Variants in CDH9 observed in about 807,000 individuals in gnomAD.
CDH9 encodes cadherin-9.
Under a neutral mutation model 70.9 loss-of-function variants are expected in CDH9, and 28 were observed. The ratio of observed to expected loss-of-function variants is 0.40; its 90% CI spans 0.29 to 0.54. CDH9 has a LOEUF of 0.54. Among genes scored for constraint, CDH9 ranks in the 20% least tolerant of loss-of-function variants. The pLI, the probability that CDH9 is intolerant of heterozygous loss-of-function variation, is 0.59. For missense variants in CDH9, 874 were observed against 984.4 expected (o/e 0.89, Z 1.50); for synonymous variants, 409 against 343.1 (o/e 1.19, Z -2.12).
chr5:26,996,307 CTG>C (rs1447668495), intron 1 of CDH9, among the ~76,000 whole-genome samples: 1 of 151,920 alleles, frequency 6.6e-6, no homozygotes, highest in Non-Finnish European at 1.5e-5. Context: ...CAAAACAAAA[CTG>C]TGTGATACGG....
intron 2 of CDH9, among the ~76,000 whole-genome samples, chr5:26,947,203 C>T (rs1179218823): frequency 6.6e-6 from 1 of 152,068 alleles, no homozygotes; most frequent in East Asian, 1.9e-4. Context: ...CAGCAATATA[C>T]CACTCCTAAG....
intron 1 of CDH9, among the ~76,000 whole-genome samples, chr5:27,029,249 A>T (rs1032073126): frequency 6.6e-6 from 1 of 152,050 alleles, no homozygotes; most frequent in Non-Finnish European, 1.5e-5. Context: ...TTTCAATTTT[A>T]GAGGCAATAT....
chr5:26,942,872 A>G (rs2112037422), intron 2 of CDH9, among the ~76,000 whole-genome samples: 1 of 152,256 alleles, frequency 6.6e-6, no homozygotes, highest in African/African-American at 2.4e-5. Context: ...TCTGACCAAG[A>G]TTTTGACTTT....
At chr5:26,919,893 C>A (rs75437740) in intron 2 of CDH9, among the ~76,000 whole-genome samples, 1 of 152,114 alleles carries the variant, frequency 6.6e-6, no homozygotes, top group Non-Finnish European at 1.5e-5. Flanking sequence ...CAGTGGTAGG[C>A]AAGCAACACT....
At chr5:27,024,288 T>G (rs1300940013) in intron 1 of CDH9, among the ~76,000 whole-genome samples, 1 of 152,062 alleles carries the variant, frequency 6.6e-6, no homozygotes, top group East Asian at 1.9e-4. Flanking sequence ...TATTTTTCAA[T>G]TTTTTCAATA....
intron 2 of CDH9, among the ~76,000 whole-genome samples, chr5:26,920,061 G>A (rs1017569807): frequency 3.3e-5 from 5 of 152,024 alleles, no homozygotes; most frequent in Admixed American, 2.6e-4. Context: ...GTGGGGTAGA[G>A]CACCAAAAGT....
At chr5:26,902,359 T>C in intron 7 of CDH9, 117 bp downstream of exon 7, 1 of 650,566 alleles carries the variant, frequency 1.5e-6, no homozygotes, top group East Asian at 2.7e-5. Flanking sequence ...AATAGTGAGA[T>C]TATTGGTATT....
At chr5:27,002,152 C>G (rs1014472791) in intron 1 of CDH9, among the ~76,000 whole-genome samples, 3 of 151,932 alleles carry the variant, frequency 2.0e-5, no homozygotes, top group African/African-American at 7.3e-5. Flanking sequence ...TTTATGCAGC[C>G]AAAAGACACA....
At chr5:27,010,387 T>C (rs1742936067) in intron 1 of CDH9, among the ~76,000 whole-genome samples, 1 of 152,126 alleles carries the variant, frequency 6.6e-6, no homozygotes, top group African/African-American at 2.4e-5. Context: ...CTATCTTTCA[T>C]CAAGGAGTGT....
chr5:27,021,296 TTAA>T lies in CDH9; in HGVS notation c.-50+17164_-50+17166del, dbSNP rs564697215. 4.4e-3 allele frequency among the ~76,000 whole-genome samples: 673 copies of T among 151,954 alleles called. 4 individuals are homozygous for T. Among genetic ancestry groups the T allele is most frequent in the African/African-American group, 0.015 (641 of 41,522 alleles). ...TTTAACTGAGTTTGACGTTGACTTA[TTAA>T]TGACATATTAATAGTCAGCACTTAT... On this transcript the variant is annotated intron_variant, in intron 1 of 11. Coordinates refer to ENST00000231021, the MANE Select transcript of CDH9 (RefSeq NM_016279.4).
intron 2 of CDH9, among the ~76,000 whole-genome samples, chr5:26,927,144 G>T (rs1410467573): frequency 6.6e-6 from 1 of 151,884 alleles, no homozygotes; most frequent in Non-Finnish European, 1.5e-5. Flanking sequence ...ACAGAATAAA[G>T]GGAAAACCAT....
intron 1 of CDH9, among the ~76,000 whole-genome samples, chr5:27,032,762 C>T (rs1228344481): frequency 2.6e-5 from 4 of 151,150 alleles, no homozygotes; most frequent in African/African-American, 9.7e-5. Context: ...TACAATCAAG[C>T]ACATTGTTAA....
intron 3 of CDH9, among the ~76,000 whole-genome samples, chr5:26,913,582 G>C (rs933891077): frequency 1.3e-5 from 2 of 152,128 alleles, no homozygotes; most frequent in East Asian, 3.9e-4. Context: ...ACACTGATCC[G>C]AAGTTGTACT....
rs190778883 is a variant in CDH9 at position 26,947,781 on chromosome 5, G to A, written c.229-31857C>T. Among the ~76,000 whole-genome samples, 17 of 152,054 alleles carry A rather than the reference G, an allele frequency of 1.1e-4. No homozygotes were observed. The East Asian group carries it at 3.3e-3, about 30-fold the overall frequency. On this transcript the variant is annotated intron_variant, in intron 2 of 11. Coordinates refer to ENST00000231021, the MANE Select transcript of CDH9 (RefSeq NM_016279.4). ...CATCTATGAGCAAGTTGTTTTATTG[G>A]CCAAAAGCTGAAGGTAGAGTCTTCC...
At chr5:26,939,832 G>T (rs1579463930) in intron 2 of CDH9, among the ~76,000 whole-genome samples, 1 of 152,138 alleles carries the variant, frequency 6.6e-6, no homozygotes, top group South Asian at 2.1e-4. Flanking sequence ...TTAAGTAGAA[G>T]AAATAAAAGT....
chr5:26,905,808 T>C (rs1298544093), intron 5 of CDH9, 151 bp downstream of exon 5: 1 of 522,320 alleles, frequency 1.9e-6, no homozygotes, highest in East Asian at 2.9e-5. Context: ...TGTGGGAAAT[T>C]GTGTTTTTTT....
At chr5:27,022,706 G>C (rs1041667727) in intron 1 of CDH9, among the ~76,000 whole-genome samples, 1 of 151,932 alleles carries the variant, frequency 6.6e-6, no homozygotes, top group Admixed American at 6.6e-5. Flanking sequence ...TGAATATGTC[G>C]GACAATAATG....
chr5:26,999,981 G>A (rs1054816876), intron 1 of CDH9, among the ~76,000 whole-genome samples: 6 of 151,946 alleles, frequency 3.9e-5, no homozygotes, highest in Non-Finnish European at 7.4e-5. Context: ...TGGGTCTGAC[G>A]ATGAATTTTA....
At chr5:26,970,588 T>A (rs1191388122) in intron 2 of CDH9, among the ~76,000 whole-genome samples, 1 of 152,078 alleles carries the variant, frequency 6.6e-6, no homozygotes, top group Non-Finnish European at 1.5e-5. Flanking sequence ...CTTGTTAACC[T>A]AAAATAAGCA....
Sources: gnomAD v4.1 joint callset for allele counts (sites outside exome capture counted in the v4.1 genomes callset) on GRCh38, gnomAD v4.1.1 for gene constraint, MANE v1.5 for transcripts, NCBI Gene and HGNC (gene_info 2026-07-23, HGNC 2026-07-21) for gene names.